Variants in ZNF695 observed in about 807,000 individuals in gnomAD.
The protein encoded by ZNF695 is zinc finger protein SBZF3.
Under a neutral mutation model 11.2 loss-of-function variants are expected in ZNF695, and 11 were observed. The ratio of observed to expected loss-of-function variants is 0.98; its 90% CI spans 0.62 to 1.62. The LOEUF is 1.62. Ranked by LOEUF, ZNF695 falls within the 40% of genes most tolerant of loss-of-function variation. ZNF695 has a pLI of 0.00. For missense variants in ZNF695, 559 were observed against 590.5 expected, an observed-to-expected ratio of 0.95 and a Z score of 0.55; for synonymous variants, 190 against 201.4, an observed-to-expected ratio of 0.94 and a Z score of 0.48.
At chr1:246,977,410 C>A (rs760749974) in intron 4 of ZNF695, among the ~76,000 whole-genome samples, 1 of 152,208 alleles carries the variant, frequency 6.6e-6, no homozygotes, top group East Asian at 1.9e-4. Flanking sequence ...GTGCCCGCCA[C>A]CATACCTGGC....
intron 4 of ZNF695, among the ~76,000 whole-genome samples, chr1:246,974,511 C>T (rs542572523): frequency 1.1e-4 from 16 of 152,226 alleles, no homozygotes; most frequent in African/African-American, 3.1e-4. Context: ...TTAGCTATAT[C>T]GTATCATACA....
chr1:246,974,145 A>AAAAC (rs1366343640), intron 4 of ZNF695, among the ~76,000 whole-genome samples: 2 of 109,668 alleles, frequency 1.8e-5, no homozygotes, highest in South Asian at 5.0e-4. Flanking sequence ...TTTGGAATAA[A>AAAAC]AAACAAACAA....
At chr1:246,960,945 G>A (rs1160670299) in intron 5 of ZNF695, among the ~76,000 whole-genome samples, 1 of 152,028 alleles carries the variant, frequency 6.6e-6, no homozygotes, top group African/African-American at 2.4e-5. Flanking sequence ...ACAACACAAA[G>A]AATGGTAGAG....
intron 5 of ZNF695, among the ~76,000 whole-genome samples, chr1:246,962,762 A>G (rs577709684): frequency 5.3e-5 from 8 of 150,312 alleles, no homozygotes; most frequent in African/African-American, 2.0e-4. Flanking sequence ...GCACGATCTC[A>G]GCTCACTGCA....
chr1:246,978,293 A>G (rs116632849), intron 4 of ZNF695, among the ~76,000 whole-genome samples: 228 of 152,380 alleles, frequency 1.5e-3, no homozygotes, highest in African/African-American at 5.3e-3. Context: ...TTAGAGGTAT[A>G]ATTAAACAGC....
chr1:246,963,905 T>C (rs1668226025), intron 5 of ZNF695, among the ~76,000 whole-genome samples: 2 of 152,234 alleles, frequency 1.3e-5, no homozygotes, highest in Admixed American at 1.3e-4. Flanking sequence ...CTGTGACCCG[T>C]GTTCCTGACT....
At chr1:247,005,834 C>T (rs1173864667) in intron 1 of ZNF695, among the ~76,000 whole-genome samples, 2 of 152,202 alleles carry the variant, frequency 1.3e-5, no homozygotes, top group East Asian at 3.8e-4. Context: ...CTATCCAGGA[C>T]ACTGGCTGAG....
intron 3 of ZNF695, among the ~76,000 whole-genome samples, chr1:246,989,267 C>T (rs1668955487): frequency 6.6e-6 from 1 of 152,000 alleles, no homozygotes; most frequent in Admixed American, 6.6e-5. Context: ...CTTTGTCAAA[C>T]AAACAAAAAT....
chr1:246,958,821 C>G (rs186121754), intron 5 of ZNF695, among the ~76,000 whole-genome samples: 52 of 152,260 alleles, frequency 3.4e-4, no homozygotes, highest in African/African-American at 1.2e-3. Context: ...CATAGTAACA[C>G]GCGGGGACAG....
chr1:246,966,643 A>G (rs1779985), intron 5 of ZNF695, among the ~76,000 whole-genome samples: 98,721 of 151,978 alleles, frequency 0.65, 34,178 homozygotes, highest in African/African-American at 0.91. Flanking sequence ...CTAATCAGCT[A>G]GGTATGGGGG....
intron 5 of ZNF695, among the ~76,000 whole-genome samples, chr1:246,965,338 CAG>C (rs1028666057): frequency 7.3e-6 from 1 of 137,432 alleles, no homozygotes; most frequent in African/African-American, 2.8e-5. Context: ...GCCTGGGTGA[CAG>C]AGAGAGACTC....
At chr1:246,945,602 A>G (rs1667714491), downstream of ZNF695, 2 of 581,984 alleles carry the variant, frequency 3.4e-6, no homozygotes, top group Admixed American at 3.3e-5. Context: ...ATGAAAAGGG[A>G]AAAAAAGAGA....
At chr1:246,948,157 T>C (rs1667786261) in intron 5 of ZNF695, among the ~76,000 whole-genome samples, 2 of 152,192 alleles carry the variant, frequency 1.3e-5, no homozygotes, top group South Asian at 4.1e-4. Context: ...GACTGCAACC[T>C]CTACTTCCCA....
At chr1:246,976,529 T>G (rs960151974) in intron 4 of ZNF695, among the ~76,000 whole-genome samples, 5 of 151,906 alleles carry the variant, frequency 3.3e-5, no homozygotes, top group African/African-American at 1.2e-4. Flanking sequence ...GCGCGGTGGC[T>G]CACACCTGTA....
chr1:246,999,030 C>G (rs1177553629), intron 3 of ZNF695, among the ~76,000 whole-genome samples: 1 of 147,598 alleles, frequency 6.8e-6, no homozygotes, highest in East Asian at 1.9e-4. Flanking sequence ...GCATAGAGTT[C>G]CTCAAAAATA....
intron 4 of ZNF695, among the ~76,000 whole-genome samples, chr1:246,974,583 T>TA (rs770320409): frequency 6.6e-6 from 1 of 151,884 alleles, no homozygotes; most frequent in African/African-American, 2.4e-5. Context: ...ACAATTAAAA[T>TA]AAAAAACATA....
At chr1:246,983,813 G>A (rs146326273), downstream of ZNF695, among the ~76,000 whole-genome samples, 2,259 of 151,972 alleles carry the variant, frequency 0.015, 57 homozygotes, top group African/African-American at 0.051. Context: ...GTGAGACTCA[G>A]TCTCAAAACA....
intron 5 of ZNF695, among the ~76,000 whole-genome samples, chr1:246,965,063 G>A (rs1231630265): frequency 1.3e-5 from 2 of 151,760 alleles, no homozygotes; most frequent in Non-Finnish European, 2.9e-5. Context: ...TCAGACTGAT[G>A]ACTCTACAAG....
intron 3 of ZNF695, among the ~76,000 whole-genome samples, chr1:246,989,798 G>T: frequency 6.6e-6 from 1 of 152,210 alleles, no homozygotes; most frequent in East Asian, 1.9e-4. Flanking sequence ...CGAGCAGATC[G>T]TTTGGGCTTA....
Sources: gnomAD v4.1 joint callset for allele counts (sites outside exome capture counted in the v4.1 genomes callset) on GRCh38, gnomAD v4.1.1 for gene constraint, MANE v1.5 for transcripts, NCBI Gene and HGNC (gene_info 2026-07-23, HGNC 2026-07-21) for gene names.